The following FAM186A variants were observed in gnomAD, a reference collection of about 807,000 sequenced individuals.
FAM186A encodes family with sequence similarity 186 member A, also known as protein FAM186A.
FAM186A carries 163 observed loss-of-function variants against 216.8 expected under a neutral mutation model. The ratio of observed to expected loss-of-function variants is 0.75; its 90% CI spans 0.66 to 0.86. FAM186A has a LOEUF of 0.86. Among genes scored for constraint, FAM186A ranks in the 40% least tolerant of loss-of-function variants. The probability of loss-of-function intolerance (pLI) is 0.00; values close to 1 mark genes in which losing one functional copy is unlikely to be tolerated. For missense variants in FAM186A, 2,184 were observed against 2,746.2 expected (o/e 0.80, Z 4.58); for synonymous variants, 805 against 1,025.3 (o/e 0.79, Z 4.10).
intron 4 of FAM186A, among the ~76,000 whole-genome samples, chr12:50,339,741 T>TACACACACACACACACACAC (rs10611207): frequency 6.7e-6 from 1 of 148,408 alleles, no homozygotes; most frequent in African/African-American, 2.5e-5. Flanking sequence ...CAAAGTACTT[T>TACACACACACACACACACAC]ACACACACAC....
chr12:50,363,095 C>A (rs1187831859), intron 2 of FAM186A, 50 bp downstream of exon 2: 1 of 1,414,454 alleles, frequency 7.1e-7, no homozygotes, highest in African/African-American at 1.4e-5. Flanking sequence ...ATTCTCTTCT[C>A]TTTTTCATTA....
chr12:50,328,378 A>C (rs567581961), intron 7 of FAM186A, among the ~76,000 whole-genome samples: 3 of 152,334 alleles, frequency 2.0e-5, no homozygotes, highest in Admixed American at 6.5e-5. Context: ...CGTCTCTAAA[A>C]ACAAACAAAA....
chr12:50,373,067 GAAAGAAAGAGAAAAGAAAGAAAGAA>G (rs1943164363), intron 1 of FAM186A, among the ~76,000 whole-genome samples: 1 of 142,140 alleles, frequency 7.0e-6, no homozygotes, highest in Admixed American at 7.3e-5. Flanking sequence ...AAGAAAGAAA[GAAAGAAAGAGAAAAGAAAGAAAGAA>G]AGAAAAGAAA....
chr12:50,362,851 G>A (rs374380933), intron 2 of FAM186A, among the ~76,000 whole-genome samples: 1 of 151,748 alleles, frequency 6.6e-6, no homozygotes. Context: ...TTTAAGCAGG[G>A]AATGAGCCAT....
intron 1 of FAM186A, among the ~76,000 whole-genome samples, chr12:50,389,591 C>T (rs1447745161): frequency 6.6e-6 from 1 of 152,194 alleles, no homozygotes; most frequent in Non-Finnish European, 1.5e-5. Flanking sequence ...AAGACCGAAG[C>T]TGTATCGCTG....
At chr12:50,333,793 G>T in intron 5 of FAM186A, 118 bp downstream of exon 5, 1 of 1,002,490 alleles carries the variant, frequency 1.0e-6, no homozygotes, top group Non-Finnish European at 1.4e-6. Flanking sequence ...GTGGTAATTT[G>T]TTACAGCAGC....
intron 1 of FAM186A, among the ~76,000 whole-genome samples, chr12:50,366,537 C>A (rs1171209302): frequency 6.7e-6 from 1 of 149,828 alleles, no homozygotes; most frequent in Non-Finnish European, 1.5e-5. Flanking sequence ...GATTATACAC[C>A]ACGATCAAGT....
rs1942903702 is a variant in FAM186A at position 50,352,431 on chromosome 12, CAAT to C, written c.4398_4400del (p.Leu1467del). The stretch of plus-strand genomic sequence containing the variant: ...CCTGCTGAGGGGTGAGAGGGATCCC[CAAT>C]TCCTGAGCCTGCTGAGGGGTGAGAG... On this transcript the variant is annotated inframe_deletion, in exon 4 of 8. Coordinates refer to ENST00000327337, the MANE Select transcript of FAM186A (RefSeq NM_001145475.3). 6.6e-7 allele frequency: 1 copy of C among 1,516,780 alleles called. No individual in the cohort carries two copies. The allele number at this position is 1,516,780 out of a possible 1,614,324, so 94.0% of individuals were successfully genotyped here. A position where few individuals can be genotyped will look rare whatever the true frequency, so the allele number is the denominator to read the frequency against.
At position 50,350,365 on chromosome 12, in the gene FAM186A, C is replaced by G; in HGVS notation, c.6467G>C (p.Arg2156Pro). 6.4e-7 allele frequency: 1 copy of G among 1,550,414 alleles called. No homozygotes were observed. Among genetic ancestry groups the G allele is most frequent in the African/African-American group, 1.4e-5 (1 of 73,026 alleles). The change falls in exon 4 of 8, where the codon CGC (arginine) becomes CCC (proline). Residue 2156 changes from arginine to proline, a missense_variant. Coordinates refer to ENST00000327337, the MANE Select transcript of FAM186A (RefSeq NM_001145475.3). ...GATCAGCCTATAGGCAATGTACTTG[C>G]GGAATAAGTATCCCAACTGAACTGT... is the stretch of plus-strand genomic sequence containing the variant. Reference protein sequence around the residue: ...MDTVQLGYLFRKYIAYRLIQH... With the variant: ...MDTVQLGYLFPKYIAYRLIQH...
At chr12:50,385,826 C>T (rs896354281) in intron 1 of FAM186A, among the ~76,000 whole-genome samples, 1 of 151,556 alleles carries the variant, frequency 6.6e-6, no homozygotes, top group Non-Finnish European at 1.5e-5. Context: ...TGCTTGAACC[C>T]AGGAGGTGGA....
chr12:50,355,709 C>T lies in FAM186A; in HGVS notation c.1123G>A (p.Asp375Asn). Residue 375 changes from aspartate to asparagine, a missense_variant, in exon 4 of 8, where the codon GAC becomes AAC. Transcript: ENST00000327337. ...IKVGDTEDNM[D>N]NILDKELENI... The stretch of plus-strand genomic sequence containing the variant: ...TCAAGTTCCTTGTCTAAAATATTGT[C>T]CATATTGTCCTCAGTATCACCAACT... The T allele has an allele frequency of 1.9e-6, 3 of 1,551,432 alleles. No homozygotes were observed. Among genetic ancestry groups the T allele is most frequent in the Non-Finnish European group, 2.6e-6 (3 of 1,146,936 alleles).
chr12:50,393,334 T>C (rs1328275404), intron 1 of FAM186A, among the ~76,000 whole-genome samples: 5 of 151,312 alleles, frequency 3.3e-5, no homozygotes, highest in Non-Finnish European at 7.4e-5. Context: ...GGTCAGGAGT[T>C]CAAGACCAGC....
At position 50,353,663 on chromosome 12, in the gene FAM186A, A is replaced by G. The variant is rs1592611088; in HGVS notation, c.3169T>C (p.Ser1057Pro). The change falls in exon 4 of 8, where the codon TCC (serine) becomes CCC (proline). Residue 1057 changes from serine (S) to proline (P), a missense_variant. Ser to Pro is a moderately conservative substitution (Grantham distance 74). Around this residue, in one of 7 missense-constraint regions of FAM186A, gnomAD observed 1,132 missense variants for 1,263.4 expected, o/e 0.90. Coordinates refer to ENST00000327337, the MANE Select transcript of FAM186A (RefSeq NM_001145475.3). Reference sequence around the variant, plus strand: ...GAAATAGGAAGAGCTCCAGGCAGGGAGTATTGTAGGGAGGGGGGAGGTGTG... The same window carrying G: ...GAAATAGGAAGAGCTCCAGGCAGGGGGTATTGTAGGGAGGGGGGAGGTGTG... ...SITPPPSLQY[S>P]LPGALPISGQ... The G allele has an allele frequency of 6.5e-7, 1 of 1,537,044 alleles. No individual in the cohort carries two copies. Among genetic ancestry groups the G allele is most frequent in the East Asian group, 2.4e-5 (1 of 40,856 alleles).
chr12:50,388,853 G>T (rs1162177973), intron 1 of FAM186A, among the ~76,000 whole-genome samples: 1 of 151,990 alleles, frequency 6.6e-6, no homozygotes, highest in African/African-American at 2.4e-5. Flanking sequence ...AGGAGTTTGA[G>T]ACCAGCCTGG....
chr12:50,364,728 C>G (rs1245897101), intron 1 of FAM186A, among the ~76,000 whole-genome samples: 1 of 151,704 alleles, frequency 6.6e-6, no homozygotes, highest in African/African-American at 2.4e-5. Flanking sequence ...AAAGTGAGAT[C>G]CTGCCTCTAA....
In FAM186A at chr12:50,378,530, A is replaced by C. The variant is rs542335552; in HGVS notation, c.193-15166T>G. ...GGGAGACAGAGTGAGACTCCATCTC[A>C]AAATATATATATACATATATGTAAA... On this transcript the variant is annotated intron_variant, in intron 1 of 7. Coordinates refer to ENST00000327337, the MANE Select transcript of FAM186A (RefSeq NM_001145475.3). Among the ~76,000 whole-genome samples, 17 of 141,076 alleles carry C rather than the reference A, an allele frequency of 1.2e-4. No homozygotes were observed. In the East Asian group the frequency reaches 3.5e-3, roughly 29 times the overall value. 92.6% of individuals were successfully genotyped at this position (141,076 alleles called of 152,430 possible).
chr12:50,394,265 A>C (rs1391349277), intron 1 of FAM186A, among the ~76,000 whole-genome samples: 1 of 152,110 alleles, frequency 6.6e-6, no homozygotes, highest in African/African-American at 2.4e-5. Context: ...TTTTAAAAGA[A>C]TATATAAAAT....
At chr12:50,375,615 G>C (rs1394303906) in intron 1 of FAM186A, among the ~76,000 whole-genome samples, 1 of 151,094 alleles carries the variant, frequency 6.6e-6, no homozygotes, top group African/African-American at 2.4e-5. Context: ...TAATCGGGAG[G>C]CTGAGGCAGG....
At chr12:50,340,860 G>A (rs1028891487) in intron 4 of FAM186A, among the ~76,000 whole-genome samples, 4 of 150,260 alleles carry the variant, frequency 2.7e-5, no homozygotes, top group Admixed American at 1.3e-4. Context: ...GCAATGGTGT[G>A]ATCTGGGCTC....
Sources: allele counts gnomAD v4.1 joint callset (sites outside exome capture counted in the v4.1 genomes callset), GRCh38; gene constraint gnomAD v4.1.1; regional missense constraint gnomAD v4.1.1; transcripts MANE v1.5; gene names NCBI Gene and HGNC (gene_info 2026-07-23, HGNC 2026-07-21).